Variants in COL6A3 observed in about 807,000 individuals in gnomAD.
The protein encoded by COL6A3 is collagen alpha-3(VI) chain.
Under a neutral mutation model 274.1 loss-of-function variants are expected in COL6A3, and 137 were observed. The observed-to-expected ratio is 0.50, with a 90% CI of 0.44 to 0.58. The LOEUF is 0.58. Ranked by LOEUF, COL6A3 falls within the 20% of genes least tolerant of loss-of-function variation. The pLI is 0.00. For synonymous variants in COL6A3, 1,650 were observed against 1,650.6 expected, an observed-to-expected ratio of 1.00 and a Z score of 0.01; for missense variants, 3,950 against 4,124.9, an observed-to-expected ratio of 0.96 and a Z score of 1.16.
In COL6A3 at chr2:237,346,562, T is replaced by A. The variant is rs1338155354; in HGVS notation, c.7033A>T (p.Asn2345Tyr). 1.2e-6 allele frequency: 2 copies of A among 1,613,604 alleles called. No individual in the cohort carries two copies. Among genetic ancestry groups the A allele is most frequent in the Admixed American group, 3.3e-5 (2 of 60,018 alleles). ...GPKGIRGRRG[N>Y]SGPPGIVGQK... ...CCAACTATCCCTGGAGGTCCCGAAT[T>A]TCCCTAGAGGGAGCAGAACAAACAT... Residue 2345 changes from asparagine to tyrosine, a missense_variant, in exon 32 of 44, where the codon AAT becomes TAT. Physicochemically the swap from Asn to Tyr is moderately radical, Grantham distance 143. This residue lies in a region of COL6A3 where 1,284 missense variants were observed against 1,349.7 expected (regional missense o/e 0.95). Transcript: ENST00000295550.
chr2:237,384,425 C>A (rs1451460490), intron 4 of COL6A3, among the ~76,000 whole-genome samples: 1 of 152,094 alleles, frequency 6.6e-6, no homozygotes, highest in Non-Finnish European at 1.5e-5. Context: ...TCCTCCCACG[C>A]CTCTCTCTGT....
intron 6 of COL6A3, 103 bp from the exon 7 acceptor site, chr2:237,377,447 A>G (rs1033676811): frequency 9.2e-7 from 1 of 1,091,316 alleles, no homozygotes; most frequent in African/African-American, 1.5e-5. Flanking sequence ...GGTGAAACTC[A>G]TCTGATGACC....
rs886044342 is a variant in COL6A3 at position 237,340,884 on chromosome 2, C to T, written c.8032G>A (p.Ala2678Thr). 1 of 1,613,520 alleles carries T rather than the reference C, an allele frequency of 6.2e-7. No homozygotes were observed. The highest frequency in any genetic ancestry group is 1.3e-5 in the African/African-American group (1 of 74,920). Residue 2678 changes from alanine (A) to threonine (T), a missense_variant, in exon 38 of 44, where the codon GCC becomes ACC. By Grantham distance (58) the Ala-to-Thr change is moderately conservative. Transcript: ENST00000295550. ...QHAPSESVDN[A>T]SMPPVKVEFS... ...TCCACCTTCACAGGTGGCATGCTGG[C>T]ATTGTCCACGGACTCAGAGGGCGCG...
Position 237,344,347 on chromosome 2 carries a change from G to T in COL6A3, c.7668+3C>A, listed in dbSNP as rs767889790. The T allele has an allele frequency of 6.2e-7, 1 of 1,614,176 alleles. No individual in the cohort carries two copies. The highest frequency in any genetic ancestry group is 2.2e-5 in the East Asian group (1 of 44,878). Reference sequence around the variant, plus strand: ...ATGCCAACAGCACGCACAGAGCACAGACCTGCAAAGCGTTGATGAGCTGCC... The same window carrying T: ...ATGCCAACAGCACGCACAGAGCACATACCTGCAAAGCGTTGATGAGCTGCC... On this transcript the variant is annotated splice_donor_region_variant and intron_variant, in intron 36 of 43. Transcript: ENST00000295550. The surrounding 1 kb of genome is among the most constrained non-coding windows in gnomAD (Gnocchi z 4.8).
In COL6A3 at chr2:237,376,897, T is replaced by C; in HGVS notation, c.2945A>G (p.Glu982Gly). ...TGGAGACAGCACGATCTGCTCTAAC[T>C]CAGCAGGGTCTGCGTTCTTGGCTTG... Reference protein sequence around the residue: ...IFQAKNADPAELEQIVLSPAF... With the variant: ...IFQAKNADPAGLEQIVLSPAF... Residue 982 changes from glutamate to glycine, a missense_variant, in exon 7 of 44, where the codon GAG becomes GGG. By Grantham distance (98) the Glu-to-Gly change is moderately conservative (BLOSUM62 -2). Transcript: ENST00000295550. The C allele has an allele frequency of 6.2e-7, 1 of 1,614,208 alleles. No individual in the cohort carries two copies.
At chr2:237,412,692 G>A (rs2078885466) in intron 1 of COL6A3, among the ~76,000 whole-genome samples, 1 of 152,176 alleles carries the variant, frequency 6.6e-6, no homozygotes, top group Non-Finnish European at 1.5e-5. Flanking sequence ...AAGCCATTTC[G>A]GTTGTTTTTT....
rs1351752480 is a variant in COL6A3, at chr2:237,364,508, G to A, written c.5839-80C>T. Reference sequence around the variant, plus strand: ...CTGCTGATAGAAAACTGAGAGACTCGCTGTCTCAAGCCCTTCATTTTACAC... The same window carrying A: ...CTGCTGATAGAAAACTGAGAGACTCACTGTCTCAAGCCCTTCATTTTACAC... On this transcript the variant is annotated intron_variant, in intron 12 of 43. Coordinates refer to ENST00000295550, the MANE Select transcript of COL6A3 (RefSeq NM_004369.4). The surrounding 1 kb of genome is among the most constrained non-coding windows in gnomAD (Gnocchi z 4.6). 2.2e-5 allele frequency: 23 copies of A among 1,064,644 alleles called. No individual in the cohort carries two copies. Among genetic ancestry groups the A allele is most frequent in the African/African-American group, 6.2e-5 (4 of 64,402 alleles). The allele number at this position is 1,064,644 out of a possible 1,614,324, so 65.9% of individuals were successfully genotyped here.
chr2:237,365,814 G>A lies in COL6A3; in HGVS notation c.5722C>T (p.Pro1908Ser), dbSNP rs1209365862. 2 of 1,614,180 alleles carry A rather than the reference G, an allele frequency of 1.2e-6. No individual in the cohort carries two copies. Among genetic ancestry groups the A allele is most frequent in the Non-Finnish European group, 1.7e-6 (2 of 1,180,032 alleles). The change falls in exon 12 of 44, where the codon CCA becomes TCA. Residue 1908 changes from proline (P) to serine (S), a missense_variant. Pro to Ser is a moderately conservative substitution (Grantham distance 74). This residue lies in a region of COL6A3 where 632 missense variants were observed against 623.4 expected (regional missense o/e 1.01). Coordinates refer to ENST00000295550, the MANE Select transcript of COL6A3 (RefSeq NM_004369.4). Reference protein sequence around the residue: ...VEAFDFDEYQPEMLEKFRNMR... With the variant: ...VEAFDFDEYQSEMLEKFRNMR... ...TTCCGGAACTTCTCGAGCATCTCTG[G>A]CTGGTACTCGTCAAAGTCAAAGGCC...
At chr2:237,345,250 A>G (rs1242424002) in intron 32 of COL6A3, 37 bp from the exon 33 acceptor site, 4 of 1,609,532 alleles carry the variant, frequency 2.5e-6, no homozygotes. Flanking sequence ...GAGGCACAGC[A>G]GATGGGGAAT....
In COL6A3 at chr2:237,350,201, G is replaced by A. The variant is rs541261658; in HGVS notation, c.6825C>T (p.Pro2275=). ...RTGPLGRKGE[P]GEPGPKGGIG... is the part of the protein sequence containing the mutation. ...TTCCTCCTTTTGGTCCTGGCTCTCC[G>A]GGCTCACCCTAGACATGAGAAACAT... Residue 2275 remains proline, a synonymous_variant, in exon 28 of 44, where the codon CCC becomes CCT. Coordinates refer to ENST00000295550, the MANE Select transcript of COL6A3 (RefSeq NM_004369.4). 37 of 1,614,038 alleles carry A rather than the reference G, an allele frequency of 2.3e-5. No homozygotes were observed. In the East Asian group the frequency reaches 4.9e-4, roughly 21 times the overall value.
intron 2 of COL6A3, among the ~76,000 whole-genome samples, chr2:237,395,621 C>T (rs73093795): frequency 0.04 from 6,138 of 152,110 alleles, 312 homozygotes; most frequent in African/African-American, 0.12. Context: ...AATACAAAAC[C>T]GGGCCTTGAC....
intron 5 of COL6A3, 43 bp from the exon 6 acceptor site, chr2:237,379,278 C>T (rs186480686): frequency 4.3e-6 from 7 of 1,613,590 alleles, no homozygotes; most frequent in East Asian, 2.2e-5. Flanking sequence ...TACACAACCA[C>T]GGAGAGTTTT....
chr2:237,326,706 C>G (rs1041354056), intron 42 of COL6A3: 5 of 152,218 alleles, frequency 3.3e-5, no homozygotes, highest in African/African-American at 1.2e-4. Flanking sequence ...ATCCAGCTCT[C>G]CCCTACAAAG....
chr2:237,342,396 A>G (rs1023608351), intron 36 of COL6A3: 1 of 548,870 alleles, frequency 1.8e-6, no homozygotes, highest in African/African-American at 1.9e-5. Context: ...AATGGGTTTC[A>G]GTTTTTTTCA....
chr2:237,355,482 C>A (rs61172294), intron 23 of COL6A3: 15,228 of 152,848 alleles, frequency 0.1, 965 homozygotes, highest in East Asian at 0.24. Context: ...CACGACTTGG[C>A]AACATCTTCC....
Position 237,375,691 on chromosome 2 carries a change from C to T in COL6A3, c.3071-671G>A, listed in dbSNP as rs549782765. On this transcript the variant is annotated intron_variant, in intron 7 of 43. Coordinates refer to ENST00000295550, the MANE Select transcript of COL6A3 (RefSeq NM_004369.4). ...CAGAGTAGCTGGGATTACAGGCACCCGCCACCACACCCAGCTAATTTTTGT... is the reference window on the plus strand; with the variant it reads ...CAGAGTAGCTGGGATTACAGGCACCTGCCACCACACCCAGCTAATTTTTGT... 5.3e-5 allele frequency among the ~76,000 whole-genome samples: 8 copies of T among 152,130 alleles called. No individual in the cohort carries two copies. The East Asian group carries it at 1.6e-3, about 30-fold the overall frequency.
rs1469253983 is a variant in COL6A3, at chr2:237,413,854, C to T, written c.-31+99G>A. 5.3e-5 allele frequency: 8 copies of T among 152,108 alleles called. No homozygotes were observed. The highest frequency in any genetic ancestry group is 1.2e-4 in the African/African-American group (5 of 41,396). The allele number at this position is 152,108 out of a possible 1,614,324, so 9.4% of individuals were successfully genotyped here. The stretch of plus-strand genomic sequence containing the variant: ...ACAGAAAACTGGCGATCAGCATGAA[C>T]GTAAGAGCCACTAACGCTACCTAGA... On this transcript the variant is annotated intron_variant, in intron 1 of 43. Transcript: ENST00000295550. The surrounding 1 kb of genome is among the most constrained non-coding windows in gnomAD (Gnocchi z 4.0).
Position 237,374,821 on chromosome 2 carries a change from G to A in COL6A3, c.3270C>T (p.Asp1090=), listed in dbSNP as rs113781746. The A allele has an allele frequency of 2.1e-3, 3,360 of 1,613,998 alleles. 10 individuals carry two copies. Among genetic ancestry groups the A allele is most frequent in the Non-Finnish European group, 2.4e-3 (2,798 of 1,180,010 alleles). The change falls in exon 8 of 44, where the codon GAC becomes GAT. Residue 1090 remains aspartate (D), a synonymous_variant. Transcript: ENST00000295550. The surrounding 1 kb of genome is among the most constrained non-coding windows in gnomAD (Gnocchi z 4.8). ...TCAGCTGGCGGACAGCGTTGACGAC[G>A]TCCTGCTTGTTCATGTATGAATTCA... ...FYLNSYMNKQ[D]VVNAVRQLTL... is the part of the protein sequence containing the mutation.
Position 237,364,555 on chromosome 2 carries a change from G to T in COL6A3, c.5839-127C>A. 1 of 746,592 alleles carries T rather than the reference G, an allele frequency of 1.3e-6. No homozygotes were observed. The highest frequency in any genetic ancestry group is 2.4e-6 in the Non-Finnish European group (1 of 420,104). The allele number at this position is 746,592 out of a possible 1,614,324, so 46.2% of individuals were successfully genotyped here. ...ACACTTAAGGAAACTGAGGGCCCAA[G>T]TTGAGGAATGATTACCCATGTTCAC... On this transcript the variant is annotated intron_variant, in intron 12 of 43. Coordinates refer to ENST00000295550, the MANE Select transcript of COL6A3 (RefSeq NM_004369.4). This position sits in a 1 kb window ranked among gnomAD's most constrained non-coding sequence, Gnocchi z 4.6.
Sources: gnomAD v4.1 joint callset for allele counts (sites outside exome capture counted in the v4.1 genomes callset) on GRCh38, gnomAD v4.1.1 for gene constraint, gnomAD v4.1.1 regional missense constraint, Gnocchi (gnomAD v3.1) non-coding constraint, MANE v1.5 for transcripts, NCBI Gene and HGNC (gene_info 2026-07-23, HGNC 2026-07-21) for gene names.